C8orf34: variants seen among roughly 807,000 people sequenced by gnomAD.
C8orf34 encodes the protein uncharacterized protein C8orf34.
C8orf34 carries 65 observed loss-of-function variants against 68.3 expected under a neutral mutation model. The ratio of observed to expected loss-of-function variants is 0.95; its 90% CI spans 0.78 to 1.17. The LOEUF is 1.17. Ranked by LOEUF, C8orf34 falls within the 50% of genes most tolerant of loss-of-function variation. The pLI, the probability that C8orf34 is intolerant of heterozygous loss-of-function variation, is 0.00. For missense variants in C8orf34, 664 were observed against 655.4 expected, an observed-to-expected ratio of 1.01 and a Z score of -0.14; for synonymous variants, 244 against 241.2, an observed-to-expected ratio of 1.01 and a Z score of -0.11.
intron 3 of C8orf34, among the ~76,000 whole-genome samples, chr8:68,456,303 T>C (rs992577660): frequency 2.6e-5 from 4 of 151,980 alleles, no homozygotes; most frequent in Non-Finnish European, 5.9e-5. Flanking sequence ...ATAGCTACTA[T>C]ATATTAATCA....
At chr8:68,418,321 C>G (rs975386334) in intron 1 of C8orf34, among the ~76,000 whole-genome samples, 3 of 150,722 alleles carry the variant, frequency 2.0e-5, no homozygotes, top group Non-Finnish European at 4.4e-5. Context: ...GCCAGAACTT[C>G]CAACACTATG....
At chr8:68,703,686 G>A (rs1480741286) in intron 8 of C8orf34, among the ~76,000 whole-genome samples, 1 of 152,042 alleles carries the variant, frequency 6.6e-6, no homozygotes, top group Non-Finnish European at 1.5e-5. Context: ...CCTTCAGTGG[G>A]CACACCTCAT....
intron 7 of C8orf34, among the ~76,000 whole-genome samples, chr8:68,639,088 G>A (rs1818929397): frequency 6.6e-6 from 1 of 152,054 alleles, no homozygotes; most frequent in Admixed American, 6.6e-5. Flanking sequence ...TTCAGAGGGA[G>A]TAGTAATGGC....
intron 10 of C8orf34, among the ~76,000 whole-genome samples, chr8:68,771,625 C>A (rs1823339006): frequency 6.6e-6 from 1 of 152,104 alleles, no homozygotes; most frequent in African/African-American, 2.4e-5. Flanking sequence ...GCTCCTTTAT[C>A]CGGACTAATG....
intron 8 of C8orf34, among the ~76,000 whole-genome samples, chr8:68,697,012 C>T (rs190804390): frequency 2.0e-4 from 31 of 152,002 alleles, no homozygotes; most frequent in South Asian, 1.0e-3. Flanking sequence ...CATTTTCATG[C>T]GTATTTTTCT....
intron 1 of C8orf34, among the ~76,000 whole-genome samples, chr8:68,336,114 A>T: frequency 6.6e-6 from 1 of 152,300 alleles, no homozygotes; most frequent in Non-Finnish European, 1.5e-5. Flanking sequence ...TAGTATTTTA[A>T]TATTTGTGGG....
At chr8:68,548,205 C>G (rs1023820052) in intron 7 of C8orf34, among the ~76,000 whole-genome samples, 1 of 151,650 alleles carries the variant, frequency 6.6e-6, no homozygotes, top group Non-Finnish European at 1.5e-5. Flanking sequence ...CATTAAATGA[C>G]AGATTGCTTC....
intron 1 of C8orf34, among the ~76,000 whole-genome samples, chr8:68,417,377 T>C (rs966879961): frequency 3.9e-5 from 6 of 152,090 alleles, no homozygotes; most frequent in Admixed American, 6.6e-5. Context: ...TAGTGCCTAC[T>C]GATAGACACT....
At chr8:68,492,046 A>G (rs1813335922) in intron 5 of C8orf34, among the ~76,000 whole-genome samples, 2 of 152,084 alleles carry the variant, frequency 1.3e-5, no homozygotes, top group Admixed American at 1.3e-4. Context: ...TCATTCTTTT[A>G]TAGGTTTCAC....
chr8:68,466,738 C>CACATATATAT (rs1812154945), intron 3 of C8orf34, among the ~76,000 whole-genome samples: 1 of 120,628 alleles, frequency 8.3e-6, no homozygotes, highest in African/African-American at 3.7e-5. Context: ...CAACGTTGTA[C>CACATATATAT]ATATATATAT....
chr8:68,818,774 G>A lies in C8orf34; in HGVS notation c.*528G>A, dbSNP rs1824893967. ...AGTGAGAAGTATATTCTCTACCACT[G>A]CTCTTTCTCATGATTATTTTCTCTA... On this transcript the variant is annotated 3_prime_UTR_variant, in exon 14 of 14. Transcript: ENST00000518698. 6.6e-6 allele frequency: 1 copy of A among 151,990 alleles called. No individual in the cohort carries two copies. The highest frequency in any genetic ancestry group is 2.1e-4 in the South Asian group (1 of 4,824). 9.4% of individuals were successfully genotyped at this position (151,990 alleles called of 1,614,324 possible).
intron 6 of C8orf34, among the ~76,000 whole-genome samples, chr8:68,527,814 T>C (rs569830212): frequency 2.6e-4 from 39 of 152,212 alleles, no homozygotes; most frequent in African/African-American, 9.4e-4. Context: ...GAAAAACCCC[T>C]CTTGTTCTGA....
chr8:68,702,078 A>G (rs1212359093), intron 8 of C8orf34, among the ~76,000 whole-genome samples: 1 of 151,848 alleles, frequency 6.6e-6, no homozygotes, highest in Non-Finnish European at 1.5e-5. Flanking sequence ...TCTTATCAAC[A>G]TCTGATTCTG....
chr8:68,547,026 G>T (rs982886185), intron 7 of C8orf34, among the ~76,000 whole-genome samples: 15 of 151,606 alleles, frequency 9.9e-5, no homozygotes, highest in African/African-American at 3.6e-4. Flanking sequence ...AATTCAAATT[G>T]TATCCAAATA....
chr8:68,333,161 T>G (rs978738764), intron 1 of C8orf34, among the ~76,000 whole-genome samples: 10 of 152,188 alleles, frequency 6.6e-5, no homozygotes, highest in African/African-American at 2.4e-4. Context: ...GTAAACTTTC[T>G]GCAGAATTAG....
intron 4 of C8orf34, among the ~76,000 whole-genome samples, chr8:68,482,076 C>T (rs1812882399): frequency 6.6e-6 from 1 of 152,162 alleles, no homozygotes; most frequent in Non-Finnish European, 1.5e-5. Flanking sequence ...GGGAGGAACC[C>T]AGGGGGAGGT....
At chr8:68,705,903 C>T (rs1424089132) in intron 8 of C8orf34, among the ~76,000 whole-genome samples, 1 of 152,144 alleles carries the variant, frequency 6.6e-6, no homozygotes, top group South Asian at 2.1e-4. Flanking sequence ...CAGCCTTACA[C>T]AGGAGACAGG....
intron 12 of C8orf34, among the ~76,000 whole-genome samples, chr8:68,793,653 C>T (rs1259972165): frequency 2.0e-5 from 3 of 152,058 alleles, no homozygotes; most frequent in Non-Finnish European, 2.9e-5. Flanking sequence ...AACACTGGGG[C>T]CTGTCTGAAG....
chr8:68,741,081 A>G (rs1822277002), intron 10 of C8orf34, among the ~76,000 whole-genome samples: 1 of 151,866 alleles, frequency 6.6e-6, no homozygotes, highest in South Asian at 2.1e-4. Flanking sequence ...GACCTATCAG[A>G]GGGTGAAGGG....
Sources: gnomAD v4.1 joint callset for allele counts (sites outside exome capture counted in the v4.1 genomes callset) on GRCh38, gnomAD v4.1.1 for gene constraint, MANE v1.5 for transcripts, NCBI Gene and HGNC (gene_info 2026-07-23, HGNC 2026-07-21) for gene names.